Variants in EYS observed in about 807,000 individuals in gnomAD.
EYS encodes the protein EGF-like photoreceptor maintenance factor, also known as protein eyes shut homolog.
In EYS, 250 loss-of-function variants were observed where a neutral mutation model predicts 282.1. That is an observed-to-expected ratio of 0.89 (90% CI 0.80 to 0.98). The LOEUF is 0.98. Ranked by LOEUF, EYS falls within the 50% of genes least tolerant of loss-of-function variation. The pLI is 0.00. For missense variants in EYS, 4,016 were observed against 3,709.0 expected, an observed-to-expected ratio of 1.08 and a Z score of -2.15; for synonymous variants, 1,355 against 1,282.9, an observed-to-expected ratio of 1.06 and a Z score of -1.20.
At chr6:65,433,865 TGAAA>T (rs929238919) in intron 5 of EYS, among the ~76,000 whole-genome samples, 1 of 152,204 alleles carries the variant, frequency 6.6e-6, no homozygotes, top group African/African-American at 2.4e-5. Context: ...ATTAACAAGT[TGAAA>T]TGCCATGTTT....
At chr6:64,704,870 A>G (rs1562145206) in intron 22 of EYS, among the ~76,000 whole-genome samples, 1 of 152,162 alleles carries the variant, frequency 6.6e-6, no homozygotes. Flanking sequence ...CAGCCAAAAT[A>G]GTACTGAACG....
intron 14 of EYS, among the ~76,000 whole-genome samples, chr6:64,956,209 G>A (rs962810809): frequency 6.6e-6 from 1 of 152,164 alleles, no homozygotes; most frequent in African/African-American, 2.4e-5. Context: ...CAGTGCTATA[G>A]TAACCAAACA....
At chr6:64,525,089 G>A (rs1242500606) in intron 26 of EYS, among the ~76,000 whole-genome samples, 1 of 151,728 alleles carries the variant, frequency 6.6e-6, no homozygotes, top group Non-Finnish European at 1.5e-5. Flanking sequence ...GTGTAAATTA[G>A]TTCAACTATT....
chr6:65,367,944 C>T (rs1451148172), intron 8 of EYS, among the ~76,000 whole-genome samples: 1 of 151,634 alleles, frequency 6.6e-6, no homozygotes, highest in African/African-American at 2.4e-5. Flanking sequence ...CTAATAAAGA[C>T]ATACCTGAGA....
chr6:65,377,116 A>C (rs1765398992), intron 8 of EYS, among the ~76,000 whole-genome samples: 1 of 152,182 alleles, frequency 6.6e-6, no homozygotes, highest in Non-Finnish European at 1.5e-5. Flanking sequence ...TCAACCACAT[A>C]ATTGGAAGTA....
At chr6:64,763,060 T>C (rs1459560427) in intron 22 of EYS, among the ~76,000 whole-genome samples, 1 of 152,212 alleles carries the variant, frequency 6.6e-6, no homozygotes, top group African/African-American at 2.4e-5. Flanking sequence ...TTGGATTGCT[T>C]GCCATGGTCA....
Position 64,912,641 on chromosome 6 carries a change from G to T in EYS, c.2484C>A (p.Thr828=). ...ACAGACATACAAATTGTCCAGGGAT[G>T]GTAGATTCATGACAAAGACCTCCAT... The part of the protein sequence containing the change: ...CMNGGLCHES[T]IPGQFVCLCP... The change falls in exon 16 of 43, where the codon ACC becomes ACA. Residue 828 remains threonine (T), a synonymous_variant. Transcript: ENST00000503581. The T allele has an allele frequency of 6.5e-7, 1 of 1,549,530 alleles. No homozygotes were observed. The highest frequency in any genetic ancestry group is 8.7e-7 in the Non-Finnish European group (1 of 1,145,582).
chr6:63,951,756 C>G (rs146850718), intron 35 of EYS, among the ~76,000 whole-genome samples: 2,483 of 136,532 alleles, frequency 0.018, 67 homozygotes, highest in African/African-American at 0.071. Context: ...TAAAGGTATA[C>G]TCAAGGTTAA....
At position 65,517,347 on chromosome 6, in the gene EYS, A is replaced by AAAAT. The variant is rs1554205546; in HGVS notation, c.-332-21355_-332-21354insATTT. 5.2e-3 allele frequency among the ~76,000 whole-genome samples: 788 copies of AAAAT among 151,630 alleles called. 15 individuals carry two copies. The highest frequency in any genetic ancestry group is 0.018 in the African/African-American group (744 of 41,348). On this transcript the variant is annotated intron_variant, in intron 2 of 42. Transcript: ENST00000503581. ...GTTTTTTTCAAAACAACAACAAAAAAAAAACAAAAGCTCAAACCTTAAACC... is the reference window on the plus strand; with the variant it reads ...GTTTTTTTCAAAACAACAACAAAAAAAAATAAAACAAAAGCTCAAACCTTAAACC...
intron 29 of EYS, among the ~76,000 whole-genome samples, chr6:64,385,713 G>C (rs1772886759): frequency 1.3e-5 from 2 of 152,126 alleles, no homozygotes; most frequent in Admixed American, 6.6e-5. Context: ...TTATTAACAA[G>C]CTTCTAGAAA....
chr6:65,524,853 T>A (rs1767496971), intron 2 of EYS, among the ~76,000 whole-genome samples: 1 of 152,210 alleles, frequency 6.6e-6, no homozygotes, highest in South Asian at 2.1e-4. Context: ...GACAGAAGTG[T>A]CTCATGTTAT....
At position 64,049,901 on chromosome 6, in the gene EYS, C is replaced by T. The variant is rs943119959; in HGVS notation, c.6725+16437G>A. ...CAGCCTGTGACAGCCTGTTCCATTG[C>T]ACCCAGGTGGGTGGAAATTCAACTC... On this transcript the variant is annotated intron_variant, in intron 33 of 42. Transcript: ENST00000503581. Among the ~76,000 whole-genome samples, 14 of 152,148 alleles carry T rather than the reference C, an allele frequency of 9.2e-5. No individual in the cohort carries two copies. In the East Asian group the frequency reaches 2.7e-3, roughly 29 times the overall value.
intron 26 of EYS, among the ~76,000 whole-genome samples, chr6:64,491,449 T>G (rs1285128367): frequency 6.6e-6 from 1 of 150,992 alleles, no homozygotes; most frequent in East Asian, 1.9e-4. Context: ...TTTCAAATTT[T>G]CAGAAATATT....
At chr6:64,259,154 C>T (rs1232030514) in intron 30 of EYS, among the ~76,000 whole-genome samples, 1 of 151,922 alleles carries the variant, frequency 6.6e-6, no homozygotes, top group Non-Finnish European at 1.5e-5. Context: ...AATATTGTAA[C>T]CAGAACTTAC....
At chr6:64,578,726 T>C (rs1047067263) in intron 26 of EYS, among the ~76,000 whole-genome samples, 5 of 152,056 alleles carry the variant, frequency 3.3e-5, no homozygotes, top group Admixed American at 3.3e-4. Context: ...TGTTTAGCAA[T>C]GTATCACTAA....
At chr6:64,969,548 G>A (rs551021597) in intron 14 of EYS, among the ~76,000 whole-genome samples, 61 of 152,120 alleles carry the variant, frequency 4.0e-4, no homozygotes, top group Middle Eastern at 3.4e-3. Flanking sequence ...AAAAAATGAG[G>A]GCCAGGTCCA....
At chr6:64,969,846 C>CTTGG (rs1387082797) in intron 14 of EYS, among the ~76,000 whole-genome samples, 1 of 152,092 alleles carries the variant, frequency 6.6e-6, no homozygotes, top group East Asian at 1.9e-4. Flanking sequence ...TCTCAAAGGC[C>CTTGG]TAGTAGAATT....
At chr6:64,098,694 G>A (rs2150257478) in intron 31 of EYS, among the ~76,000 whole-genome samples, 1 of 151,682 alleles carries the variant, frequency 6.6e-6, no homozygotes, top group South Asian at 2.1e-4. Flanking sequence ...TCTGCCTCTG[G>A]GGTTCAAGCC....
chr6:64,529,339 A>G (rs1764242291), intron 26 of EYS, among the ~76,000 whole-genome samples: 1 of 152,084 alleles, frequency 6.6e-6, no homozygotes. Flanking sequence ...TGATATACCA[A>G]TTCATACACA....
Sources: allele counts gnomAD v4.1 joint callset (sites outside exome capture counted in the v4.1 genomes callset), GRCh38; gene constraint gnomAD v4.1.1; transcripts MANE v1.5; gene names NCBI Gene and HGNC (gene_info 2026-07-23, HGNC 2026-07-21).